The following CDH20 variants were observed in gnomAD, a reference collection of about 807,000 sequenced individuals.
CDH20 encodes the protein cadherin 20.
A neutral mutation model predicts 74.2 loss-of-function variants in CDH20; 29 were observed. The observed-to-expected ratio is 0.39, with a 90% CI of 0.29 to 0.53. The LOEUF is 0.53. CDH20 is among the 20% of genes least tolerant of loss of function. The probability of loss-of-function intolerance (pLI) is 0.69; values close to 1 mark genes in which losing one functional copy is unlikely to be tolerated. For missense variants in CDH20, 988 were observed against 1,048.3 expected (o/e 0.94, Z 0.79); for synonymous variants, 469 against 405.4 (o/e 1.16, Z -1.88).
chr18:61,531,476 G>A (rs1912636532), intron 7 of CDH20, among the ~76,000 whole-genome samples: 2 of 152,150 alleles, frequency 1.3e-5, no homozygotes, highest in Non-Finnish European at 2.9e-5. Context: ...GAGCCAATCG[G>A]TGTTTTTTTA....
intron 1 of CDH20, among the ~76,000 whole-genome samples, chr18:61,339,010 ATATT>A (rs1334497519): frequency 6.6e-6 from 1 of 152,204 alleles, no homozygotes; most frequent in East Asian, 1.9e-4. Flanking sequence ...ATTTAATCAA[ATATT>A]TAGTTAAATA....
At chr18:61,338,306 T>A (rs1909824628) in intron 1 of CDH20, among the ~76,000 whole-genome samples, 1 of 152,218 alleles carries the variant, frequency 6.6e-6, no homozygotes, top group African/African-American at 2.4e-5. Flanking sequence ...TTTATTCTTT[T>A]TTTTTTATTT....
At chr18:61,503,188 G>A in intron 5 of CDH20, 68 bp downstream of exon 5, 4 of 1,204,502 alleles carry the variant, frequency 3.3e-6, no homozygotes, top group South Asian at 4.0e-5. Context: ...AGAGGTGCGG[G>A]AGAAAGCCCA....
intron 1 of CDH20, among the ~76,000 whole-genome samples, chr18:61,465,217 A>G (rs971121844): frequency 1.3e-5 from 2 of 152,194 alleles, no homozygotes; most frequent in Non-Finnish European, 2.9e-5. Context: ...AGGAACTGGA[A>G]CACCTTACTT....
intron 1 of CDH20, among the ~76,000 whole-genome samples, chr18:61,382,321 G>C (rs1439635103): frequency 6.6e-6 from 1 of 152,182 alleles, no homozygotes; most frequent in African/African-American, 2.4e-5. Flanking sequence ...AAATTGAAAA[G>C]TGTTTGCTAA....
chr18:61,412,438 C>T (rs1194482741), intron 1 of CDH20, among the ~76,000 whole-genome samples: 1 of 152,036 alleles, frequency 6.6e-6, no homozygotes, highest in East Asian at 1.9e-4. Flanking sequence ...AATTAAAGGG[C>T]CACATATCTT....
At chr18:61,379,038 T>A (rs1167142071) in intron 1 of CDH20, among the ~76,000 whole-genome samples, 1 of 152,104 alleles carries the variant, frequency 6.6e-6, no homozygotes, top group African/African-American at 2.4e-5. Flanking sequence ...AAATATGATA[T>A]AAAAATAAAA....
At chr18:61,384,058 G>C (rs951459639) in intron 1 of CDH20, among the ~76,000 whole-genome samples, 1 of 152,142 alleles carries the variant, frequency 6.6e-6, no homozygotes, top group African/African-American at 2.4e-5. Context: ...GCTTATTCCT[G>C]TTCCCTTAAT....
At chr18:61,394,204 C>T (rs762921365) in intron 1 of CDH20, among the ~76,000 whole-genome samples, 5 of 152,156 alleles carry the variant, frequency 3.3e-5, no homozygotes, top group Non-Finnish European at 7.3e-5. Flanking sequence ...GATTCCCAAT[C>T]AAATGCGAGT....
chr18:61,421,574 T>C (rs571357070), intron 1 of CDH20, among the ~76,000 whole-genome samples: 1 of 152,168 alleles, frequency 6.6e-6, no homozygotes, highest in African/African-American at 2.4e-5. Flanking sequence ...TGGTGTTCAA[T>C]TGATCAGTAG....
At chr18:61,390,416 C>T (rs982730625) in intron 1 of CDH20, among the ~76,000 whole-genome samples, 1 of 151,994 alleles carries the variant, frequency 6.6e-6, no homozygotes, top group Admixed American at 6.6e-5. Context: ...GTAAAGCAAA[C>T]GTAAAAATGT....
chr18:61,548,924 A>G (rs1031801020), intron 10 of CDH20, among the ~76,000 whole-genome samples: 1 of 152,240 alleles, frequency 6.6e-6, no homozygotes, highest in African/African-American at 2.4e-5. Context: ...AGAAATATTG[A>G]TAATCACTAA....
At chr18:61,536,829 A>G (rs1912833628) in intron 8 of CDH20, among the ~76,000 whole-genome samples, 200 bp downstream of exon 8, 1 of 152,222 alleles carries the variant, frequency 6.6e-6, no homozygotes, top group Admixed American at 6.5e-5. Flanking sequence ...TGTGCTAGAG[A>G]TAAAAGCAAA....
rs76653421 is a variant in CDH20 at position 61,554,403 on chromosome 18, T to C, written c.2114T>C (p.Ile705Thr). Residue 705 changes from isoleucine to threonine, a missense_variant, in exon 12 of 12, where the codon ATC (isoleucine) becomes ACC (threonine). By Grantham distance (89) the Ile-to-Thr change is moderately conservative (BLOSUM62 -1). Coordinates refer to ENST00000262717, the MANE Select transcript of CDH20 (RefSeq NM_031891.4). ...ACGCGGCAGGACATGCTGCCCGAGA[T>C]CGAGAGCCTCTCCCGCTACGTGCCT... ...PKTRQDMLPE[I>T]ESLSRYVPQT... 6.2e-7 allele frequency: 1 copy of C among 1,612,620 alleles called. No homozygotes were observed. Among genetic ancestry groups the C allele is most frequent in the African/African-American group, 1.3e-5 (1 of 74,824 alleles).
rs766261977 is a variant in CDH20, at chr18:61,554,675, G to A, written c.2386G>A (p.Gly796Arg). 5.7e-5 allele frequency: 90 copies of A among 1,578,426 alleles called. No homozygotes were observed. In the African/African-American group the frequency reaches 1.2e-3, roughly 20 times the overall value. Reference protein sequence around the residue: ...KLAELYGASEGPAPLW With the variant: ...KLAELYGASERPAPLW The stretch of plus-strand genomic sequence containing the variant: ...GGCCGAGCTCTACGGGGCGTCGGAG[G>A]GACCCGCGCCGCTGTGGTGACGGAA... Residue 796 changes from glycine to arginine, a missense_variant, in exon 12 of 12, where the codon GGA becomes AGA. Transcript: ENST00000262717.
chr18:61,504,434 GTAC>G (rs1402908666), intron 5 of CDH20, among the ~76,000 whole-genome samples: 1 of 152,136 alleles, frequency 6.6e-6, no homozygotes, highest in Non-Finnish European at 1.5e-5. Flanking sequence ...GAGAAGGATT[GTAC>G]TACTAATAAA....
intron 6 of CDH20, among the ~76,000 whole-genome samples, chr18:61,518,293 G>A (rs1912077103): frequency 6.6e-6 from 1 of 152,142 alleles, no homozygotes; most frequent in South Asian, 2.1e-4. Context: ...CTCCTCAATT[G>A]GGTCCTTGAC....
chr18:61,429,075 G>T (rs993904184), intron 1 of CDH20, among the ~76,000 whole-genome samples: 7 of 152,170 alleles, frequency 4.6e-5, no homozygotes, highest in Non-Finnish European at 1.0e-4. Context: ...GGAATTTCTA[G>T]GTGGTGAGGG....
chr18:61,339,390 C>CACACAT (rs1491572549), intron 1 of CDH20, among the ~76,000 whole-genome samples: 3 of 147,366 alleles, frequency 2.0e-5, no homozygotes, highest in Admixed American at 6.7e-5. Context: ...CACACACACA[C>CACACAT]ATATATATTG....
Sources: gnomAD v4.1 joint callset for allele counts (sites outside exome capture counted in the v4.1 genomes callset) on GRCh38, gnomAD v4.1.1 for gene constraint, MANE v1.5 for transcripts, NCBI Gene and HGNC (gene_info 2026-07-23, HGNC 2026-07-21) for gene names.